CALN1: variants seen among roughly 807,000 people sequenced by gnomAD.
CALN1 encodes calneuron 1, also known as calcium-binding protein 8.
A neutral mutation model predicts 30.6 loss-of-function variants in CALN1; 17 were observed. That is an observed-to-expected ratio of 0.56 (90% CI 0.38 to 0.83). CALN1 has a LOEUF of 0.83. Ranked by LOEUF, CALN1 falls within the 40% of genes least tolerant of loss-of-function variation. The pLI is 0.00. For synonymous variants in CALN1, 156 were observed against 131.4 expected (o/e 1.19, Z -1.28); for missense variants, 291 against 354.9 (o/e 0.82, Z 1.45).
chr7:72,316,141 T>A (rs1466343055), intron 2 of CALN1, among the ~76,000 whole-genome samples: 4 of 134,672 alleles, frequency 3.0e-5, no homozygotes. Flanking sequence ...ACAGATTATG[T>A]CTTTAAAAAA....
At chr7:71,837,036 C>T (rs193235675) in intron 5 of CALN1, among the ~76,000 whole-genome samples, 15 of 151,396 alleles carry the variant, frequency 9.9e-5, no homozygotes, top group African/African-American at 2.9e-4. Context: ...GTTCGAGTTC[C>T]GCCTGGCCAA....
rs548279558 is a variant in CALN1, at chr7:71,784,003, G to A, written c.*3772C>T. On this transcript the variant is annotated 3_prime_UTR_variant, in exon 7 of 7. Transcript: ENST00000395275. ...TGCCTAAGACCACACCTAAACCTCA[G>A]TTCACCAAAGTTCACGTGTTTGGCT... 2.0e-5 allele frequency: 3 copies of A among 152,308 alleles called. No homozygotes were observed. The highest frequency in any genetic ancestry group is 7.2e-5 in the African/African-American group (3 of 41,556). 9.4% of individuals were successfully genotyped at this position (152,308 alleles called of 1,614,324 possible). A position where few individuals can be genotyped will look rare whatever the true frequency, so the allele number is the denominator to read the frequency against.
intron 3 of CALN1, among the ~76,000 whole-genome samples, chr7:72,272,570 AAAAG>A (rs1164707359): frequency 3.3e-5 from 5 of 152,132 alleles, no homozygotes; most frequent in African/African-American, 1.2e-4. Flanking sequence ...TCCACGAAAA[AAAAG>A]AAAGAAAGAA....
chr7:72,385,159 A>G (rs1456332957), intron 2 of CALN1, among the ~76,000 whole-genome samples: 1 of 152,256 alleles, frequency 6.6e-6, no homozygotes, highest in African/African-American at 2.4e-5. Context: ...AATAACTGCT[A>G]GCAAAAATGT....
chr7:71,882,688 A>C, intron 5 of CALN1, among the ~76,000 whole-genome samples: 1 of 152,014 alleles, frequency 6.6e-6, no homozygotes, highest in East Asian at 1.9e-4. Flanking sequence ...TTAAAAAAAA[A>C]AACAACTTTT....
At chr7:72,156,759 G>A in intron 3 of CALN1, among the ~76,000 whole-genome samples, 1 of 152,232 alleles carries the variant, frequency 6.6e-6, no homozygotes, top group East Asian at 1.9e-4. Context: ...ACCTCCCGTG[G>A]TGGGAGTGCT....
chr7:72,481,482 T>A, the CALN1 span, among the ~76,000 whole-genome samples: 1 of 152,228 alleles, frequency 6.6e-6, no homozygotes, highest in African/African-American at 2.4e-5. Flanking sequence ...TTCATTCTGA[T>A]CTTATTATTC....
At chr7:72,002,954 G>A (rs994256745) in intron 5 of CALN1, among the ~76,000 whole-genome samples, 4 of 152,140 alleles carry the variant, frequency 2.6e-5, no homozygotes, top group Non-Finnish European at 4.4e-5. Context: ...TATGCAGTAG[G>A]AGAAAGTTCA....
intron 5 of CALN1, among the ~76,000 whole-genome samples, chr7:72,016,617 T>C (rs1800394176): frequency 6.6e-6 from 1 of 151,832 alleles, no homozygotes. Context: ...TTGAATTTTT[T>C]GTAAAGAAAG....
At chr7:72,404,799 G>A (rs1806590924) in intron 1 of CALN1, among the ~76,000 whole-genome samples, 1 of 152,226 alleles carries the variant, frequency 6.6e-6, no homozygotes, top group Non-Finnish European at 1.5e-5. Flanking sequence ...AGAGCTGTAT[G>A]TGGATGGTGG....
At chr7:71,933,569 A>C (rs867605010) in intron 5 of CALN1, among the ~76,000 whole-genome samples, 2 of 152,130 alleles carry the variant, frequency 1.3e-5, no homozygotes, top group Non-Finnish European at 2.9e-5. Flanking sequence ...CAACATCGTA[A>C]AAGAAATGGT....
At chr7:72,045,710 C>T (rs957822345) in intron 4 of CALN1, among the ~76,000 whole-genome samples, 2 of 151,768 alleles carry the variant, frequency 1.3e-5, no homozygotes, top group South Asian at 4.2e-4. Flanking sequence ...TTAATTTTTT[C>T]GTAGAGAGAC....
At chr7:72,169,772 T>C (rs1788807073) in intron 3 of CALN1, among the ~76,000 whole-genome samples, 2 of 150,666 alleles carry the variant, frequency 1.3e-5, no homozygotes, top group Non-Finnish European at 3.0e-5. Context: ...TCACTGCAAC[T>C]TCCACCTCCT....
At chr7:72,205,551 A>AAATATATACATATATATATATATATCTAT in intron 3 of CALN1, among the ~76,000 whole-genome samples, 1 of 83,052 alleles carries the variant, frequency 1.2e-5, no homozygotes, top group Non-Finnish European at 2.0e-5. Context: ...GCAAAAAAAA[A>AAATATATACATATATATATATATATCTAT]ATATATATAT....
intron 5 of CALN1, among the ~76,000 whole-genome samples, chr7:71,938,777 G>T (rs977412020): frequency 6.6e-6 from 1 of 152,012 alleles, no homozygotes; most frequent in Non-Finnish European, 1.5e-5. Flanking sequence ...GCGATAGAAC[G>T]AAACTCTGTC....
chr7:72,247,101 G>T (rs1795220924), intron 3 of CALN1, among the ~76,000 whole-genome samples: 1 of 151,612 alleles, frequency 6.6e-6, no homozygotes, highest in African/African-American at 2.4e-5. Flanking sequence ...CCCAGTGTAT[G>T]CCCTGTGGCC....
chr7:72,226,585 T>A (rs1353920326), intron 3 of CALN1, among the ~76,000 whole-genome samples: 1 of 152,202 alleles, frequency 6.6e-6, no homozygotes, highest in Non-Finnish European at 1.5e-5. Context: ...TTTCAAGGGT[T>A]ACATGGACAG....
intron 4 of CALN1, among the ~76,000 whole-genome samples, chr7:72,052,867 C>T (rs552060982): frequency 3.9e-5 from 6 of 152,086 alleles, no homozygotes; most frequent in East Asian, 1.9e-4. Context: ...TGGTGGCTCA[C>T]GCCTGTAATG....
chr7:72,136,136 AAAATAAATAAAT>A (rs138109942), intron 3 of CALN1, among the ~76,000 whole-genome samples: 20 of 140,802 alleles, frequency 1.4e-4, no homozygotes, highest in Admixed American at 6.5e-4. Context: ...CTCTGTCTCA[AAAATAAATAAAT>A]AAATAAATAA....
Sources: gnomAD v4.1 joint callset for allele counts (sites outside exome capture counted in the v4.1 genomes callset) on GRCh38, gnomAD v4.1.1 for gene constraint, MANE v1.5 for transcripts, NCBI Gene and HGNC (gene_info 2026-07-23, HGNC 2026-07-21) for gene names.